DCBLD2: variants seen among roughly 807,000 people sequenced by gnomAD.
The protein encoded by DCBLD2 is discoidin, CUB and LCCL domain containing 2.
DCBLD2 carries 54 observed loss-of-function variants against 86.8 expected under a neutral mutation model. That is an observed-to-expected ratio of 0.62 (90% CI 0.50 to 0.78). The LOEUF (loss-of-function observed/expected upper bound fraction) is 0.78, where lower values mean the gene tolerates loss of function less well. DCBLD2 is among the 30% of genes least tolerant of loss of function. DCBLD2 has a pLI of 0.00. For missense variants in DCBLD2, 908 were observed against 954.2 expected, an observed-to-expected ratio of 0.95 and a Z score of 0.64; for synonymous variants, 354 against 341.3, an observed-to-expected ratio of 1.04 and a Z score of -0.41.
intron 1 of DCBLD2, among the ~76,000 whole-genome samples, chr3:98,898,795 T>C (rs965232434): frequency 3.3e-5 from 5 of 152,222 alleles, no homozygotes; most frequent in African/African-American, 1.2e-4. Context: ...GTAAAAAATT[T>C]AATTTTTAAA....
intron 2 of DCBLD2, among the ~76,000 whole-genome samples, chr3:98,850,499 C>T (rs1270192674): frequency 6.6e-6 from 1 of 152,106 alleles, no homozygotes; most frequent in Non-Finnish European, 1.5e-5. Context: ...ATCCTCAGTA[C>T]AGATCTAAGA....
intron 2 of DCBLD2, among the ~76,000 whole-genome samples, chr3:98,874,341 G>A (rs1206368300): frequency 1.3e-5 from 2 of 151,930 alleles, no homozygotes; most frequent in East Asian, 3.9e-4. Context: ...AAAATATTAG[G>A]AAACATAATC....
intron 2 of DCBLD2, among the ~76,000 whole-genome samples, chr3:98,859,862 A>C (rs970037014): frequency 3.3e-5 from 5 of 152,244 alleles, no homozygotes; most frequent in Admixed American, 6.5e-5. Flanking sequence ...CAACGGAACA[A>C]AGCTGGACGG....
chr3:98,847,004 C>G (rs1458782071), intron 3 of DCBLD2, among the ~76,000 whole-genome samples: 3 of 151,822 alleles, frequency 2.0e-5, no homozygotes, highest in Admixed American at 6.6e-5. Flanking sequence ...AAATAAGAAG[C>G]AAATTAACTT....
intron 1 of DCBLD2, among the ~76,000 whole-genome samples, chr3:98,898,478 G>C (rs1943788778): frequency 1.3e-5 from 2 of 151,062 alleles, no homozygotes; most frequent in Admixed American, 1.3e-4. Context: ...TTTTTATTCT[G>C]ACTATATGCG....
At chr3:98,869,237 CTT>C (rs1360160290) in intron 2 of DCBLD2, among the ~76,000 whole-genome samples, 1 of 152,042 alleles carries the variant, frequency 6.6e-6, no homozygotes, top group African/African-American at 2.4e-5. Context: ...GTTTGTTAGT[CTT>C]TTGTGTATCT....
intron 3 of DCBLD2, among the ~76,000 whole-genome samples, chr3:98,836,517 T>G (rs192296169): frequency 6.6e-6 from 1 of 151,780 alleles, no homozygotes; most frequent in East Asian, 1.9e-4. Context: ...ACCGCAACCA[T>G]CCGATTTCTC....
chr3:98,837,041 C>CG (rs1368610794), intron 3 of DCBLD2, among the ~76,000 whole-genome samples: 9 of 38,038 alleles, frequency 2.4e-4, no homozygotes, highest in African/African-American at 1.3e-3. Flanking sequence ...GCTGGCCGGG[C>CG]GGGGGGGCTG....
rs1553727080 is a variant in DCBLD2 at position 98,839,204 on chromosome 3, C to CT, written c.571+10256dup. Among the ~76,000 whole-genome samples, 626 of 131,366 alleles carry CT rather than the reference C, an allele frequency of 4.8e-3. 6 individuals carry two copies. The highest frequency in any genetic ancestry group is 0.017 in the African/African-American group (534 of 30,888). 86.2% of individuals were successfully genotyped at this position (131,366 alleles called of 152,430 possible). A position where few individuals can be genotyped will look rare whatever the true frequency, so the allele number is the denominator to read the frequency against. ...TCTTCCTTCCTTCCTTCCTTCCTTCCTTCTTTCTTTCCTTCTTTCCTTCTC... is the reference window on the plus strand; with the variant it reads ...TCTTCCTTCCTTCCTTCCTTCCTTCCTTTCTTTCTTTCCTTCTTTCCTTCTC... On this transcript the variant is annotated intron_variant, in intron 3 of 15. Transcript: ENST00000326840.
intron 2 of DCBLD2, among the ~76,000 whole-genome samples, chr3:98,864,467 A>G (rs902640650): frequency 1.3e-5 from 2 of 152,212 alleles, no homozygotes; most frequent in Admixed American, 1.3e-4. Context: ...ATGTCCATCA[A>G]TGATAGACTA....
At chr3:98,830,176 A>G (rs1942295205) in intron 3 of DCBLD2, among the ~76,000 whole-genome samples, 1 of 152,058 alleles carries the variant, frequency 6.6e-6, no homozygotes, top group African/African-American at 2.4e-5. Context: ...TTTTCTCCCC[A>G]TTCTGTAGGT....
chr3:98,814,231 T>G (rs1941985580), intron 9 of DCBLD2: 2 of 152,340 alleles, frequency 1.3e-5, no homozygotes, highest in Middle Eastern at 3.4e-3. Flanking sequence ...TACAATAACT[T>G]CCATACTAGT....
chr3:98,857,086 T>G (rs1301746559), intron 2 of DCBLD2, among the ~76,000 whole-genome samples: 1 of 152,200 alleles, frequency 6.6e-6, no homozygotes, highest in Non-Finnish European at 1.5e-5. Context: ...TGTTTGGAGT[T>G]TCTTCCTTCT....
At chr3:98,848,884 T>A (rs1336878250) in intron 3 of DCBLD2, among the ~76,000 whole-genome samples, 1 of 152,110 alleles carries the variant, frequency 6.6e-6, no homozygotes, top group Non-Finnish European at 1.5e-5. Context: ...AAAATGTTAT[T>A]ATAGGCCGGG....
chr3:98,839,557 A>ATCTG (rs1942581656), intron 3 of DCBLD2, among the ~76,000 whole-genome samples: 1 of 152,246 alleles, frequency 6.6e-6, no homozygotes, highest in African/African-American at 2.4e-5. Flanking sequence ...TATGTAGCAT[A>ATCTG]TCTGTATTGA....
rs564535542 is a variant in DCBLD2 at position 98,899,202 on chromosome 3, T to C, written c.205+1920A>G. 1.6e-4 allele frequency among the ~76,000 whole-genome samples: 24 copies of C among 152,002 alleles called. No individual in the cohort carries two copies. The South Asian group carries it at 4.4e-3, about 28-fold the overall frequency. ...AATGTTCTGGTAAAAAAAAATTATA[T>C]TAAACCTTAAAAAATGAAGTAATGT... On this transcript the variant is annotated intron_variant, in intron 1 of 15. Coordinates refer to ENST00000326840, the MANE Select transcript of DCBLD2 (RefSeq NM_080927.4).
Position 98,893,148 on chromosome 3 carries a change from T to G in DCBLD2, c.205+7974A>C, listed in dbSNP as rs908109737. ...AACATATAAAAATGGAAATTTTAAC[T>G]GCAGAGTAAAATGAAACAAAATTTT... On this transcript the variant is annotated intron_variant, in intron 1 of 15. Transcript: ENST00000326840. Among the ~76,000 whole-genome samples, 5 of 152,270 alleles carry G rather than the reference T, an allele frequency of 3.3e-5. No homozygotes were observed. The East Asian group carries it at 9.6e-4, about 29-fold the overall frequency.
intron 3 of DCBLD2, among the ~76,000 whole-genome samples, chr3:98,848,879 G>A (rs1345232165): frequency 6.6e-6 from 1 of 152,060 alleles, no homozygotes; most frequent in African/African-American, 2.4e-5. Context: ...TTTTAAAAAT[G>A]TTATTATAGG....
rs1559805343 is a variant in DCBLD2 at position 98,901,188 on chromosome 3, T to TGGAGAA, written c.133_138dup (p.Phe45_Ser46dup). 1 of 1,536,964 alleles carries TGGAGAA rather than the reference T, an allele frequency of 6.5e-7. No individual in the cohort carries two copies. The highest frequency in any genetic ancestry group is 2.0e-5 in the Admixed American group (1 of 50,976). ...AGTAAGAGCAGGAGGAACAGAGGCA[T>TGGAGAA]GGAGAAGGAGGAGGAGTTGGAGCAG... is the stretch of plus-strand genomic sequence containing the variant. On this transcript the variant is annotated inframe_insertion, in exon 1 of 16. Transcript: ENST00000326840.
Sources: allele counts gnomAD v4.1 joint callset (sites outside exome capture counted in the v4.1 genomes callset), GRCh38; gene constraint gnomAD v4.1.1; transcripts MANE v1.5; gene names NCBI Gene and HGNC (gene_info 2026-07-23, HGNC 2026-07-21).